Variants in TLK2 observed in about 807,000 individuals in gnomAD.
TLK2 encodes tousled like kinase 2.
In TLK2, 6 loss-of-function variants were observed where a neutral mutation model predicts 117.3. That is an observed-to-expected ratio of 0.05 (90% CI 0.03 to 0.10). TLK2 has a LOEUF of 0.10. Ranked by LOEUF, TLK2 falls within the 10% of genes least tolerant of loss-of-function variation. TLK2 has a pLI of 1.00. For missense variants in TLK2, 299 were observed against 901.2 expected (o/e 0.33, Z 8.56); for synonymous variants, 257 against 316.7 (o/e 0.81, Z 2.00).
At chr17:62,516,344 C>T in intron 2 of TLK2, 1 of 1,475,076 alleles carries the variant, frequency 6.8e-7, no homozygotes, top group Non-Finnish European at 9.3e-7. Context: ...TGACCACGTC[C>T]ACAACCAAAT....
intron 7 of TLK2, among the ~76,000 whole-genome samples, chr17:62,539,019 C>T (rs2077314437): frequency 6.6e-6 from 1 of 152,030 alleles, no homozygotes; most frequent in Non-Finnish European, 1.5e-5. Context: ...CATTTTTGAC[C>T]TAGCAAATTG....
intron 2 of TLK2, among the ~76,000 whole-genome samples, chr17:62,499,578 G>A (rs1182196878): frequency 2.6e-5 from 4 of 151,898 alleles, no homozygotes; most frequent in Non-Finnish European, 5.9e-5. Context: ...TGCCAGGCAA[G>A]GTGGCTCACG....
intron 15 of TLK2, among the ~76,000 whole-genome samples, chr17:62,584,752 A>G (rs1166621489): frequency 6.6e-6 from 1 of 152,258 alleles, no homozygotes; most frequent in African/African-American, 2.4e-5. Flanking sequence ...TTAATTTGGT[A>G]TAAATGATGG....
chr17:62,490,156 C>T (rs950103480), intron 2 of TLK2, among the ~76,000 whole-genome samples: 4 of 152,238 alleles, frequency 2.6e-5, no homozygotes, highest in Non-Finnish European at 4.4e-5. Context: ...CAGCCGTTAT[C>T]TTGTCATATA....
Position 62,479,029 on chromosome 17 carries a change from C to G in TLK2, c.-267C>G, listed in dbSNP as rs1252421683. ...GAGGCCGGTCCCGCGCCCCCCGCGG[C>G]CGCCCGGGCCCGGGCCCGCGTCGGG... On this transcript the variant is annotated 5_prime_UTR_variant, in exon 1 of 22. Transcript: ENST00000346027. 1 of 150,498 alleles carries G rather than the reference C, an allele frequency of 6.6e-6. No individual in the cohort carries two copies. The highest frequency in any genetic ancestry group is 1.5e-5 in the Non-Finnish European group (1 of 67,500). The allele number at this position is 150,498 out of a possible 1,614,324, so 9.3% of individuals were successfully genotyped here.
chr17:62,488,504 T>TTC (rs2072732248), intron 2 of TLK2, among the ~76,000 whole-genome samples: 2 of 152,198 alleles, frequency 1.3e-5, no homozygotes, highest in African/African-American at 4.8e-5. Flanking sequence ...AAATGGCCTA[T>TTC]ACTTATATTG....
intron 2 of TLK2, among the ~76,000 whole-genome samples, chr17:62,493,080 A>G (rs138917374): frequency 3.9e-5 from 6 of 152,006 alleles, no homozygotes; most frequent in Non-Finnish European, 8.8e-5. Context: ...CTAGTCGACA[A>G]AGCAAGACTC....
intron 11 of TLK2, among the ~76,000 whole-genome samples, chr17:62,569,644 C>T (rs546778441): frequency 6.6e-6 from 1 of 151,950 alleles, no homozygotes; most frequent in South Asian, 2.1e-4. Flanking sequence ...CCATATTGGC[C>T]AGGCTGGTCT....
At chr17:62,543,627 G>A (rs1355056089) in intron 7 of TLK2, among the ~76,000 whole-genome samples, 1 of 152,138 alleles carries the variant, frequency 6.6e-6, no homozygotes, top group Non-Finnish European at 1.5e-5. Context: ...TTGGGCTTTT[G>A]TGCATCTTCT....
intron 2 of TLK2, among the ~76,000 whole-genome samples, chr17:62,481,864 G>A (rs1450512137): frequency 6.6e-6 from 1 of 152,128 alleles, no homozygotes; most frequent in Non-Finnish European, 1.5e-5. Context: ...AGTATGCAAA[G>A]TATATTTACG....
In TLK2 at chr17:62,560,070, T is replaced by C; in HGVS notation, c.775T>C (p.Tyr259His). 1 of 1,612,058 alleles carries C rather than the reference T, an allele frequency of 6.2e-7. No homozygotes were observed. The highest frequency in any genetic ancestry group is 8.5e-7 in the Non-Finnish European group (1 of 1,179,050). ...IDEQQKMLEK[Y>H]KERLNRCVTM... The stretch of plus-strand genomic sequence containing the variant: ...TGAACAGCAAAAGATGCTAGAGAAA[T>C]ACAAGGAACGATTAAATAGATGTGT... The change falls in exon 10 of 22, where the codon TAC (tyrosine) becomes CAC (histidine). Residue 259 changes from tyrosine (Y) to histidine (H), a missense_variant. Tyr to His is a moderately conservative substitution (Grantham distance 83). Around this residue, in one of 4 missense-constraint regions of TLK2, gnomAD observed 94 missense variants for 282.6 expected, o/e 0.33. Coordinates refer to ENST00000346027, the MANE Select transcript of TLK2 (RefSeq NM_006852.6).
chr17:62,489,619 A>G (rs374765900), intron 2 of TLK2, among the ~76,000 whole-genome samples: 2 of 152,048 alleles, frequency 1.3e-5, no homozygotes, highest in Admixed American at 6.6e-5. Context: ...GCATTATTAC[A>G]GGTGTGAGCT....
chr17:62,536,699 A>G (rs1266691882), intron 7 of TLK2, among the ~76,000 whole-genome samples: 5 of 152,090 alleles, frequency 3.3e-5, no homozygotes. Context: ...GCCATCATCT[A>G]TGTAAGTTAA....
At chr17:62,599,380 G>A (rs1056623237) in intron 17 of TLK2, among the ~76,000 whole-genome samples, 4 of 152,220 alleles carry the variant, frequency 2.6e-5, no homozygotes, top group African/African-American at 7.2e-5. Context: ...GGCCCATAGC[G>A]CTAGACCTGA....
upstream of TLK2, among the ~76,000 whole-genome samples, chr17:62,475,599 C>G (rs1226909389): frequency 6.6e-6 from 1 of 152,124 alleles, no homozygotes; most frequent in Non-Finnish European, 1.5e-5. Context: ...CCCGCCTTGG[C>G]CTCCCAAAGT....
chr17:62,600,626 T>A (rs1454616033), intron 17 of TLK2, 25 bp from the exon 18 acceptor site: 1 of 1,576,304 alleles, frequency 6.3e-7, no homozygotes. Context: ...ATTCCATGGT[T>A]AAATATTGGT....
rs139194419 is a variant in TLK2 at position 62,611,746 on chromosome 17, G to A, written c.2080-646G>A. On this transcript the variant is annotated intron_variant, in intron 21 of 21. Transcript: ENST00000346027. ...GGAAAAGACAGATAATCTATATAAG[G>A]GCCTTTATGCTAAGACTTACAGAAA... Among the ~76,000 whole-genome samples, 342 of 152,202 alleles carry A rather than the reference G, an allele frequency of 2.2e-3. 1 individual carries two copies. Among genetic ancestry groups the A allele is most frequent in the African/African-American group, 7.8e-3 (324 of 41,524 alleles).
In TLK2 at chr17:62,546,948, A is replaced by G. The variant is rs1401389646; in HGVS notation, c.532-5354A>G. Among the ~76,000 whole-genome samples, 3 of 152,218 alleles carry G rather than the reference A, an allele frequency of 2.0e-5. No individual in the cohort carries two copies. The South Asian group carries it at 6.2e-4, about 32-fold the overall frequency. On this transcript the variant is annotated intron_variant, in intron 7 of 21. Transcript: ENST00000346027. Reference sequence around the variant, plus strand: ...TTTTGATATTTAACCCACCTATTAAATTTTTAAACTTTGATAATCTTATTT... The same window carrying G: ...TTTTGATATTTAACCCACCTATTAAGTTTTTAAACTTTGATAATCTTATTT...
chr17:62,511,482 C>T (rs1326865052), intron 2 of TLK2, among the ~76,000 whole-genome samples: 6 of 152,100 alleles, frequency 3.9e-5, no homozygotes. Context: ...GTGATCCTCC[C>T]ATCTCAGCCT....
Sources: allele counts gnomAD v4.1 joint callset (sites outside exome capture counted in the v4.1 genomes callset), GRCh38; gene constraint gnomAD v4.1.1; regional missense constraint gnomAD v4.1.1; transcripts MANE v1.5; gene names NCBI Gene and HGNC (gene_info 2026-07-23, HGNC 2026-07-21).